COLEC11: variants seen among roughly 807,000 people sequenced by gnomAD.
The protein encoded by COLEC11 is collectin subfamily member 11.
A neutral mutation model predicts 27.3 loss-of-function variants in COLEC11; 20 were observed. That is an observed-to-expected ratio of 0.73 (90% CI 0.51 to 1.06). COLEC11 has a LOEUF of 1.06. Among genes scored for constraint, COLEC11 ranks in the 50% least tolerant of loss-of-function variants. The pLI is 0.00. For missense variants in COLEC11, 310 were observed against 383.0 expected (o/e 0.81, Z 1.59); for synonymous variants, 163 against 154.7 (o/e 1.05, Z -0.40).
At chr2:3,638,505 T>G (rs1450291132) in intron 4 of COLEC11, among the ~76,000 whole-genome samples, 1 of 152,152 alleles carries the variant, frequency 6.6e-6, no homozygotes, top group Admixed American at 6.5e-5. Flanking sequence ...TCTACCTCAT[T>G]CATCTGCCTC....
chr2:3,612,635 G>A (rs926985909), intron 2 of COLEC11, among the ~76,000 whole-genome samples: 1 of 152,090 alleles, frequency 6.6e-6, no homozygotes, highest in African/African-American at 2.4e-5. Flanking sequence ...GGAGAAGACT[G>A]GAGTGGAGGT....
chr2:3,604,422 G>C lies in COLEC11; in HGVS notation c.82G>C (p.Ala28Pro). The C allele has an allele frequency of 6.2e-7, 1 of 1,614,204 alleles. No individual in the cohort carries two copies. The highest frequency in any genetic ancestry group is 8.5e-7 in the Non-Finnish European group (1 of 1,180,040). Residue 28 changes from alanine (A) to proline (P), a missense_variant, in exon 2 of 7, where the codon GCT becomes CCT. Ala to Pro is a conservative substitution (Grantham distance 27). Coordinates refer to ENST00000349077, the MANE Select transcript of COLEC11 (RefSeq NM_024027.5). ...GCTGCCATCTGGACATCCTCAGCCGGCTGGCGATGACGCCTGCTCTGTGCA... is the reference window on the plus strand; with the variant it reads ...GCTGCCATCTGGACATCCTCAGCCGCCTGGCGATGACGCCTGCTCTGTGCA... Reference protein sequence around the residue: ...SLLPSGHPQPAGDDACSVQIL... With the variant: ...SLLPSGHPQPPGDDACSVQIL...
chr2:3,603,545 G>A (rs987756363), intron 1 of COLEC11: 62 of 1,107,522 alleles, frequency 5.6e-5, no homozygotes, highest in Middle Eastern at 1.9e-4. Context: ...TCGAACTCCC[G>A]ACTTTAGGTG....
At chr2:3,621,801 A>T (rs532585365) in intron 3 of COLEC11, among the ~76,000 whole-genome samples, 51 of 152,350 alleles carry the variant, frequency 3.3e-4, no homozygotes, top group African/African-American at 1.2e-3. Flanking sequence ...CTTTGATCAC[A>T]CACAAAATTC....
Position 3,602,787 on chromosome 2 carries a change from C to T in COLEC11, c.-26-1528C>T, listed in dbSNP as rs1185365695. Reference sequence around the variant, plus strand: ...CCCCGCACTGTCCGGCATGCACTGCCTCAAGGCTTTCTCTGAGCCGCCCTC... The same window carrying T: ...CCCCGCACTGTCCGGCATGCACTGCTTCAAGGCTTTCTCTGAGCCGCCCTC... On this transcript the variant is annotated intron_variant, in intron 1 of 6. Transcript: ENST00000349077. The surrounding 1 kb of genome is among the most constrained non-coding windows in gnomAD (Gnocchi z 6.2). Among the ~76,000 whole-genome samples the T allele has an allele frequency of 6.6e-6, 1 of 152,194 alleles. No individual in the cohort carries two copies. The highest frequency in any genetic ancestry group is 1.5e-5 in the Non-Finnish European group (1 of 68,034).
At chr2:3,612,253 CG>C (rs1663262085) in intron 2 of COLEC11, among the ~76,000 whole-genome samples, 1 of 152,148 alleles carries the variant, frequency 6.6e-6, no homozygotes, top group African/African-American at 2.4e-5. Context: ...CCCACGCACA[CG>C]CATGCACACA....
intron 2 of COLEC11, 45 bp downstream of exon 2, chr2:3,604,515 G>C (rs1314307545): frequency 1.2e-6 from 2 of 1,606,508 alleles, no homozygotes; most frequent in East Asian, 2.2e-5. Flanking sequence ...TGGCCTCCGG[G>C]CCAGCTGAGA....
intron 2 of COLEC11, among the ~76,000 whole-genome samples, chr2:3,612,575 A>G (rs2147880250): frequency 2.0e-5 from 3 of 152,294 alleles, no homozygotes; most frequent in Middle Eastern, 3.4e-3. Context: ...GAGACATAAT[A>G]GAATTCCATT....
At chr2:3,625,376 G>A in intron 3 of COLEC11, among the ~76,000 whole-genome samples, 1 of 152,148 alleles carries the variant, frequency 6.6e-6, no homozygotes, top group East Asian at 1.9e-4. Context: ...CAGCGTTCTT[G>A]GCTGCCTTGT....
At chr2:3,639,473 A>G (rs1665685793) in intron 4 of COLEC11, among the ~76,000 whole-genome samples, 1 of 152,186 alleles carries the variant, frequency 6.6e-6, no homozygotes, top group Non-Finnish European at 1.5e-5. Context: ...AACACAGAGG[A>G]ATCAGGTGGG....
intron 3 of COLEC11, among the ~76,000 whole-genome samples, chr2:3,621,497 C>T (rs1287015486): frequency 1.3e-5 from 2 of 152,082 alleles, no homozygotes; most frequent in East Asian, 3.8e-4. Context: ...TTAAGCTACT[C>T]CGTGTCTTTT....
chr2:3,629,831 G>C (rs1664841818), intron 3 of COLEC11, among the ~76,000 whole-genome samples: 1 of 152,126 alleles, frequency 6.6e-6, no homozygotes, highest in African/African-American at 2.4e-5. Flanking sequence ...TCTTACATAT[G>C]TATGTATATG....
At chr2:3,617,477 C>G in intron 3 of COLEC11, 2 of 1,369,198 alleles carry the variant, frequency 1.5e-6, no homozygotes, top group Non-Finnish European at 1.0e-6. Flanking sequence ...CAAAGCTAAA[C>G]AGCTAAAAGA....
chr2:3,632,066 C>T (rs1353761764), intron 3 of COLEC11, among the ~76,000 whole-genome samples: 1 of 152,184 alleles, frequency 6.6e-6, no homozygotes, highest in Non-Finnish European at 1.5e-5. Context: ...AGTGTGCGCT[C>T]GCGCTCCTGC....
At position 3,644,547 on chromosome 2, in the gene COLEC11, A is replaced by G. The variant is rs1201716254; in HGVS notation, c.*429A>G. ...CCAACACTTCTGTAAATTACATTAC[A>G]ATATAGGTTCCTTCACACTATTATC... is the stretch of plus-strand genomic sequence containing the variant. On this transcript the variant is annotated 3_prime_UTR_variant, in exon 7 of 7. Coordinates refer to ENST00000349077, the MANE Select transcript of COLEC11 (RefSeq NM_024027.5). The G allele has an allele frequency of 2.3e-6, 1 of 441,660 alleles. No individual in the cohort carries two copies. The highest frequency in any genetic ancestry group is 4.5e-6 in the Non-Finnish European group (1 of 222,686). The allele number at this position is 441,660 out of a possible 1,614,324, so 27.4% of individuals were successfully genotyped here. A position where few individuals can be genotyped will look rare whatever the true frequency, so the allele number is the denominator to read the frequency against.
At position 3,617,581 on chromosome 2, in the gene COLEC11, C is replaced by T. The variant is rs936815838; in HGVS notation, c.202+4199C>T. 1,189 of 1,609,828 alleles carry T rather than the reference C, an allele frequency of 7.4e-4. 1 individual carries two copies. The highest frequency in any genetic ancestry group is 9.3e-4 in the Non-Finnish European group (1,096 of 1,177,548). On this transcript the variant is annotated intron_variant, in intron 3 of 6. Coordinates refer to ENST00000349077, the MANE Select transcript of COLEC11 (RefSeq NM_024027.5). Reference sequence around the variant, plus strand: ...TGCCTGCTTGCTTCTCCTGTTCAGTCGTTTCTTTGGAAGGCAGTGGATTTT... The same window carrying T: ...TGCCTGCTTGCTTCTCCTGTTCAGTTGTTTCTTTGGAAGGCAGTGGATTTT...
chr2:3,632,331 C>G (rs1382186949), intron 3 of COLEC11, among the ~76,000 whole-genome samples: 2 of 152,196 alleles, frequency 1.3e-5, no homozygotes, highest in African/African-American at 2.4e-5. Flanking sequence ...AGGGCAGTGT[C>G]TCTGTCTCTC....
intron 3 of COLEC11, among the ~76,000 whole-genome samples, chr2:3,634,453 AC>A (rs1665235524): frequency 6.6e-6 from 1 of 152,176 alleles, no homozygotes; most frequent in Non-Finnish European, 1.5e-5. Flanking sequence ...AACTGACTGT[AC>A]CGTGCCTCCT....
chr2:3,643,762 T>C lies in COLEC11; in HGVS notation c.460T>C (p.Tyr154His). Residue 154 changes from tyrosine (Y) to histidine (H), a missense_variant, in exon 7 of 7, where the codon TAC (tyrosine) becomes CAC (histidine). By Grantham distance (83) the Tyr-to-His change is moderately conservative. Transcript: ENST00000349077. ...AGVRETESKI[Y>H]LLVKEEKRYA... ...TGTGCGCGAGACGGAGAGCAAGATC[T>C]ACCTGCTGGTGAAGGAGGAGAAGCG... 1.2e-6 allele frequency: 2 copies of C among 1,613,656 alleles called. No individual in the cohort carries two copies. Among genetic ancestry groups the C allele is most frequent in the Non-Finnish European group, 1.7e-6 (2 of 1,179,946 alleles).
Sources: allele counts gnomAD v4.1 joint callset (sites outside exome capture counted in the v4.1 genomes callset), GRCh38; gene constraint gnomAD v4.1.1; non-coding constraint Gnocchi (gnomAD v3.1); transcripts MANE v1.5; gene names NCBI Gene and HGNC (gene_info 2026-07-23, HGNC 2026-07-21).